RINT1: variants seen among roughly 807,000 people sequenced by gnomAD.
The protein encoded by RINT1 is RAD50 interactor 1, also known as RAD50-interacting protein 1.
RINT1 carries 75 observed loss-of-function variants against 97.7 expected under a neutral mutation model. The observed-to-expected ratio is 0.77, with a 90% CI of 0.64 to 0.93. The LOEUF is 0.93. Among genes scored for constraint, RINT1 ranks in the 40% least tolerant of loss-of-function variants. The probability of loss-of-function intolerance (pLI) is 0.00; values close to 1 mark genes in which losing one functional copy is unlikely to be tolerated. For synonymous variants in RINT1, 303 were observed against 326.3 expected, an observed-to-expected ratio of 0.93 and a Z score of 0.77; for missense variants, 892 against 925.2, an observed-to-expected ratio of 0.96 and a Z score of 0.47.
At chr7:105,555,389 C>T (rs1791137437) in intron 11 of RINT1, 162 bp downstream of exon 11, 1 of 548,950 alleles carries the variant, frequency 1.8e-6, no homozygotes, top group African/African-American at 1.9e-5. Flanking sequence ...TTTTCTCAAT[C>T]AAATCTCAAG....
At position 105,542,445 on chromosome 7, in the gene RINT1, G is replaced by T; in HGVS notation, c.311G>T (p.Arg104Leu). The change falls in exon 4 of 15, where the codon CGA (arginine) becomes CTA (leucine). Residue 104 changes from arginine (R) to leucine (L), a missense_variant. Coordinates refer to ENST00000257700, the MANE Select transcript of RINT1 (RefSeq NM_021930.6). Reference protein sequence around the residue: ...TISSEIPKRIRSALKNAEESK... With the variant: ...TISSEIPKRILSALKNAEESK... ...TCATCAGAAATTCCTAAAAGAATTC[G>T]AAGTGCCTTAAAAAATGCAGAAGAA... The T allele has an allele frequency of 6.2e-7, 1 of 1,611,784 alleles. No homozygotes were observed. The highest frequency in any genetic ancestry group is 8.5e-7 in the Non-Finnish European group (1 of 1,178,176).
chr7:105,564,232 C>G (rs980298780), intron 12 of RINT1, among the ~76,000 whole-genome samples: 9 of 152,202 alleles, frequency 5.9e-5, no homozygotes, highest in African/African-American at 2.2e-4. Context: ...GGACTACAGG[C>G]ATGCACCACC....
chr7:105,550,808 G>A (rs952119916), intron 9 of RINT1, among the ~76,000 whole-genome samples: 34 of 152,062 alleles, frequency 2.2e-4, no homozygotes, highest in African/African-American at 7.2e-4. Flanking sequence ...AGGCTAAAGT[G>A]CAGTAGTTTG....
At chr7:105,538,032 G>A (rs1432530149) in intron 3 of RINT1, among the ~76,000 whole-genome samples, 3 of 151,340 alleles carry the variant, frequency 2.0e-5, no homozygotes, top group Non-Finnish European at 2.9e-5. Flanking sequence ...TGACTCTGTC[G>A]CCCAGACTGG....
rs1790876780 is a variant in RINT1, at chr7:105,550,382, G to A, written c.1229G>A (p.Arg410Lys). 1 of 1,614,094 alleles carries A rather than the reference G, an allele frequency of 6.2e-7. No homozygotes were observed. The highest frequency in any genetic ancestry group is 8.5e-7 in the Non-Finnish European group (1 of 1,180,006). ...HLVDEVLLFE[R>K]ELHSVHGYPG... ...GTGGATGAAGTACTCTTGTTTGAAA[G>A]GGAGCTACACAGTGTTCATGGCTAT... The change falls in exon 9 of 15, where the codon AGG (arginine) becomes AAG (lysine). Residue 410 changes from arginine to lysine, a missense_variant. Coordinates refer to ENST00000257700, the MANE Select transcript of RINT1 (RefSeq NM_021930.6).
At chr7:105,553,240 T>C (rs1791012003) in intron 10 of RINT1, among the ~76,000 whole-genome samples, 1 of 151,840 alleles carries the variant, frequency 6.6e-6, no homozygotes, top group Admixed American at 6.6e-5. Context: ...AATTCTTTTT[T>C]TTGAGACAGA....
chr7:105,559,767 T>G (rs1791360106), intron 11 of RINT1, among the ~76,000 whole-genome samples: 1 of 152,152 alleles, frequency 6.6e-6, no homozygotes, highest in South Asian at 2.1e-4. Context: ...TGTCTTAACC[T>G]CAAACATTCT....
chr7:105,567,110 C>A lies in RINT1; in HGVS notation c.2187-9C>A. 1 of 1,512,382 alleles carries A rather than the reference C, an allele frequency of 6.6e-7. No individual in the cohort carries two copies. The highest frequency in any genetic ancestry group is 8.8e-7 in the Non-Finnish European group (1 of 1,132,896). 93.7% of individuals were successfully genotyped at this position (1,512,382 alleles called of 1,614,324 possible). ...GATCTCATTTCCCTCCTTTGTTTTC[C>A]CTAAACAGTATAAAAGAAGCCTGTA... is the stretch of plus-strand genomic sequence containing the variant. On this transcript the variant is annotated splice_polypyrimidine_tract_variant and intron_variant, in intron 14 of 14. Coordinates refer to ENST00000257700, the MANE Select transcript of RINT1 (RefSeq NM_021930.6).
chr7:105,552,209 G>C (rs746347528), intron 10 of RINT1, among the ~76,000 whole-genome samples: 1 of 152,008 alleles, frequency 6.6e-6, no homozygotes, highest in Non-Finnish European at 1.5e-5. Context: ...TTAAACATTG[G>C]TATACATGAA....
chr7:105,555,617 A>G (rs978907911), intron 11 of RINT1, among the ~76,000 whole-genome samples: 1 of 152,248 alleles, frequency 6.6e-6, no homozygotes, highest in African/African-American at 2.4e-5. Context: ...AATGTCTTCA[A>G]AACATGACAG....
At chr7:105,559,812 C>T (rs1185753497) in intron 11 of RINT1, among the ~76,000 whole-genome samples, 3 of 152,174 alleles carry the variant, frequency 2.0e-5, no homozygotes, top group African/African-American at 4.8e-5. Flanking sequence ...CCAGTGAATA[C>T]TGTATAAGTA....
At chr7:105,557,218 A>G (rs952978383) in intron 11 of RINT1, among the ~76,000 whole-genome samples, 2 of 152,112 alleles carry the variant, frequency 1.3e-5, no homozygotes, top group Admixed American at 6.5e-5. Context: ...GTGTCATAAA[A>G]TGAAAACAGA....
chr7:105,539,094 G>T (rs1437046865), intron 3 of RINT1, among the ~76,000 whole-genome samples: 1 of 152,070 alleles, frequency 6.6e-6, no homozygotes, highest in Admixed American at 6.6e-5. Context: ...CTGTAATCAG[G>T]TTTGTTTCCC....
chr7:105,540,556 C>T (rs1045670002), intron 3 of RINT1, among the ~76,000 whole-genome samples: 3 of 152,202 alleles, frequency 2.0e-5, no homozygotes, highest in East Asian at 3.9e-4. Flanking sequence ...GACACTGTGC[C>T]CGGCTGAATT....
chr7:105,532,994 A>G (rs1430309475), intron 2 of RINT1, 125 bp downstream of exon 2: 3 of 828,702 alleles, frequency 3.6e-6, no homozygotes, highest in South Asian at 1.4e-5. Context: ...CAATATGCTT[A>G]TATGGTAATA....
chr7:105,564,893 T>C (rs1223304893), intron 12 of RINT1, among the ~76,000 whole-genome samples: 1 of 152,028 alleles, frequency 6.6e-6, no homozygotes, highest in Non-Finnish European at 1.5e-5. Context: ...TCCCAGCTAC[T>C]TGGGAGGCTG....
At chr7:105,561,809 G>A (rs879641249) in intron 11 of RINT1, among the ~76,000 whole-genome samples, 2 of 152,016 alleles carry the variant, frequency 1.3e-5, no homozygotes, top group Non-Finnish European at 2.9e-5. Context: ...TGATCCACCT[G>A]CGTCAGCCTC....
chr7:105,547,994 T>C (rs1790750025), intron 6 of RINT1, among the ~76,000 whole-genome samples: 1 of 152,070 alleles, frequency 6.6e-6, no homozygotes, highest in Non-Finnish European at 1.5e-5. Flanking sequence ...CCCAAAGTGC[T>C]GGGATTACAG....
chr7:105,550,717 G>A (rs1790890315), intron 9 of RINT1, among the ~76,000 whole-genome samples: 1 of 151,854 alleles, frequency 6.6e-6, no homozygotes, highest in South Asian at 2.1e-4. Context: ...AGCCAGTGGG[G>A]TGTTTGTTTT....
Sources: allele counts gnomAD v4.1 joint callset (sites outside exome capture counted in the v4.1 genomes callset), GRCh38; gene constraint gnomAD v4.1.1; transcripts MANE v1.5; gene names NCBI Gene and HGNC (gene_info 2026-07-23, HGNC 2026-07-21).